Variants in ARFGEF2 observed in about 807,000 individuals in gnomAD.
ARFGEF2 encodes ARF guanine nucleotide exchange factor 2.
A neutral mutation model predicts 219.9 loss-of-function variants in ARFGEF2; 74 were observed. The observed-to-expected ratio is 0.34, with a 90% CI of 0.28 to 0.41. The LOEUF (loss-of-function observed/expected upper bound fraction) is 0.41. Among genes scored for constraint, ARFGEF2 ranks in the 10% least tolerant of loss-of-function variants. The probability of loss-of-function intolerance (pLI) is 1.00; values close to 1 mark genes in which losing one functional copy is unlikely to be tolerated. For synonymous variants in ARFGEF2, 733 were observed against 799.2 expected (o/e 0.92, Z 1.40); for missense variants, 1,743 against 2,218.3 (o/e 0.79, Z 4.30).
At position 48,952,782 on chromosome 20, in the gene ARFGEF2, C is replaced by T. The variant is rs772393834; in HGVS notation, c.501C>T (p.Tyr167=). Residue 167 remains tyrosine (Y), a synonymous_variant, in exon 5 of 39, where the codon TAC becomes TAT. Transcript: ENST00000371917. ...GTILQTVRTC[Y]NIYLASKNLI... is the part of the protein sequence containing the mutation. ...TCCTGCAGACAGTGAGAACATGTTA[C>T]AATATCTATTTGGCCAGCAAAAATC... The T allele has an allele frequency of 1.2e-6, 2 of 1,614,206 alleles. No homozygotes were observed. Among genetic ancestry groups the T allele is most frequent in the African/African-American group, 1.3e-5 (1 of 75,042 alleles).
intron 11 of ARFGEF2, 34 bp from the exon 12 acceptor site, chr20:48,973,111 C>A: frequency 6.2e-7 from 1 of 1,613,430 alleles, no homozygotes; most frequent in South Asian, 1.1e-5. Context: ...GCTATTTGAT[C>A]AGAATTTCTG....
At chr20:49,013,731 T>G in intron 29 of ARFGEF2, 37 bp downstream of exon 29, 1 of 1,614,092 alleles carries the variant, frequency 6.2e-7, no homozygotes, top group Non-Finnish European at 8.5e-7. Context: ...CTTACATCAC[T>G]GAAATGAACC....
At position 49,036,006 on chromosome 20, in the gene ARFGEF2, C is replaced by A. The variant is rs982052669; in HGVS notation, c.*2807C>A. 1.4e-5 allele frequency: 5 copies of A among 367,652 alleles called. No individual in the cohort carries two copies. Among genetic ancestry groups the A allele is most frequent in the African/African-American group, 2.3e-5 (1 of 43,756 alleles). The allele number at this position is 367,652 out of a possible 1,614,324, so 22.8% of individuals were successfully genotyped here. On this transcript the variant is annotated 3_prime_UTR_variant, in exon 39 of 39. Coordinates refer to ENST00000371917, the MANE Select transcript of ARFGEF2 (RefSeq NM_006420.3). ...TTTGTACGAAATGAAAAAAAAAAAA[C>A]CTGTATTTTTTTTGTTGTTCTTTTG...
At chr20:48,952,637 T>G in intron 4 of ARFGEF2, 68 bp from the exon 5 acceptor site, 1 of 1,481,694 alleles carries the variant, frequency 6.7e-7, no homozygotes, top group Non-Finnish European at 9.4e-7. Flanking sequence ...TCTAGAAAAG[T>G]GTGGCCATAG....
chr20:49,006,693 A>C (rs1054671698), intron 26 of ARFGEF2, among the ~76,000 whole-genome samples: 1 of 152,142 alleles, frequency 6.6e-6, no homozygotes, highest in African/African-American at 2.4e-5. Flanking sequence ...CAAAAGCAAA[A>C]GGCCCGTAGC....
rs760196945 is a variant in ARFGEF2, at chr20:48,976,112, C to T, written c.1871C>T (p.Ser624Leu). The change falls in exon 14 of 39, where the codon TCG becomes TTG. Residue 624 changes from serine (S) to leucine (L), a missense_variant. This residue lies in a region of ARFGEF2 where 666 missense variants were observed against 955.4 expected (regional missense o/e 0.70). Coordinates refer to ENST00000371917, the MANE Select transcript of ARFGEF2 (RefSeq NM_006420.3). ...ACGTCCATGGAGTCCACAGTGTCCT[C>T]GGGGACCCAGACAACTGTTCAGGAT... ...SVTSMESTVS[S>L]GTQTTVQDDP... The T allele has an allele frequency of 2.0e-5, 33 of 1,613,594 alleles. No homozygotes were observed. Among genetic ancestry groups the T allele is most frequent in the Non-Finnish European group, 2.6e-5 (31 of 1,180,024 alleles).
rs571409699 is a variant in ARFGEF2, at chr20:49,033,191, G to C, written c.5350G>C (p.Val1784Leu). 2 of 1,614,098 alleles carry C rather than the reference G, an allele frequency of 1.2e-6. No homozygotes were observed. The highest frequency in any genetic ancestry group is 1.7e-6 in the Non-Finnish European group (2 of 1,180,038). ...ACAGGTACCAGCAGCACTGTCACCA[G>C]TGTGGTAGCCCTGGCTGCCCAGGCC... ...PSQVPAALSP[V>L]W is the part of the protein sequence containing the mutation. Residue 1784 changes from valine (V) to leucine (L), a missense_variant, in exon 39 of 39, where the codon GTG (valine) becomes CTG (leucine). Val to Leu is a conservative substitution (Grantham distance 32, BLOSUM62 1). Transcript: ENST00000371917.
intron 1 of ARFGEF2, among the ~76,000 whole-genome samples, chr20:48,934,399 A>G (rs1400545373): frequency 6.6e-6 from 1 of 152,124 alleles, no homozygotes; most frequent in East Asian, 1.9e-4. Flanking sequence ...GGTTTGTTAC[A>G]TAGGTGTACG....
intron 3 of ARFGEF2, among the ~76,000 whole-genome samples, chr20:48,945,091 T>C (rs1310353646): frequency 6.6e-6 from 1 of 152,168 alleles, no homozygotes; most frequent in Admixed American, 6.5e-5. Flanking sequence ...TTCTGGTTTC[T>C]TCTTAGAGGA....
intron 6 of ARFGEF2, among the ~76,000 whole-genome samples, chr20:48,962,663 C>G (rs567156359): frequency 6.6e-6 from 1 of 152,058 alleles, no homozygotes; most frequent in Non-Finnish European, 1.5e-5. Flanking sequence ...TTCCCTTTGC[C>G]TTCTAGGAAA....
At chr20:48,941,089 A>T in intron 1 of ARFGEF2, 110 bp from the exon 2 acceptor site, 1 of 994,280 alleles carries the variant, frequency 1.0e-6, no homozygotes, top group Non-Finnish European at 1.6e-6. Flanking sequence ...TTTTGTATTT[A>T]AACATCTCGT....
Position 48,972,341 on chromosome 20 carries a change from A to T in ARFGEF2, c.1441A>T (p.Ile481Phe). ...KMQIEVFFKEIFLNILETSTS... is the reference protein window; with the variant it reads ...KMQIEVFFKEFFLNILETSTS... ...TGTCATATAGGTCTTTTTCAAAGAG[A>T]TTTTCCTGAACATTTTAGAAACATC... Residue 481 changes from isoleucine (I) to phenylalanine (F), a missense_variant, in exon 11 of 39, where the codon ATT becomes TTT. Transcript: ENST00000371917. The T allele has an allele frequency of 1.2e-6, 2 of 1,613,466 alleles. No homozygotes were observed. The highest frequency in any genetic ancestry group is 1.7e-6 in the Non-Finnish European group (2 of 1,179,454).
intron 38 of ARFGEF2, 126 bp from the exon 39 acceptor site, chr20:49,032,897 C>A: frequency 9.9e-7 from 1 of 1,013,750 alleles, no homozygotes; most frequent in Non-Finnish European, 1.5e-6. Context: ...TCGGCCCCAA[C>A]TTTCTAATAG....
chr20:48,974,379 T>C (rs576112926), intron 12 of ARFGEF2, among the ~76,000 whole-genome samples: 34 of 152,322 alleles, frequency 2.2e-4, no homozygotes, highest in African/African-American at 7.2e-4. Flanking sequence ...CCCAGAGTGC[T>C]GGGATTACAG....
At chr20:49,008,985 G>A (rs554035759) in intron 26 of ARFGEF2, among the ~76,000 whole-genome samples, 1 of 152,268 alleles carries the variant, frequency 6.6e-6, no homozygotes, top group Admixed American at 6.5e-5. Flanking sequence ...TGGGATTACA[G>A]GTGTGAACCA....
rs1053859385 is a variant in ARFGEF2, at chr20:48,951,207, G to A, written c.277-116G>A. On this transcript the variant is annotated intron_variant, in intron 3 of 38. Coordinates refer to ENST00000371917, the MANE Select transcript of ARFGEF2 (RefSeq NM_006420.3). ...TGGTTATGCCTGCCTGGCTCCTGGG[G>A]AGCAGAGGACTCTGTAGGAACTGGA... 31 of 1,288,492 alleles carry A rather than the reference G, an allele frequency of 2.4e-5. No homozygotes were observed. In the East Asian group the frequency reaches 3.2e-4, roughly 13 times the overall value. 79.8% of individuals were successfully genotyped at this position (1,288,492 alleles called of 1,614,324 possible). A position where few individuals can be genotyped will look rare whatever the true frequency, so the allele number is the denominator to read the frequency against.
intron 28 of ARFGEF2, 63 bp downstream of exon 28, chr20:49,012,147 CT>C: frequency 4.4e-6 from 7 of 1,604,354 alleles, no homozygotes; most frequent in Non-Finnish European, 6.0e-6. Flanking sequence ...AGCAGAAATT[CT>C]TGCTCCTAAC....
At chr20:49,011,487 T>A (rs764645139) in intron 27 of ARFGEF2, among the ~76,000 whole-genome samples, 5 of 152,224 alleles carry the variant, frequency 3.3e-5, no homozygotes, top group Non-Finnish European at 7.3e-5. Context: ...TTCGATGTAG[T>A]GGAACCAGGA....
At chr20:48,975,297 C>A (rs1486035029) in intron 13 of ARFGEF2, among the ~76,000 whole-genome samples, 1 of 152,182 alleles carries the variant, frequency 6.6e-6, no homozygotes, top group Non-Finnish European at 1.5e-5. Context: ...ATCCTCCCAC[C>A]TCAGCCTCCC....
Sources: allele counts gnomAD v4.1 joint callset (sites outside exome capture counted in the v4.1 genomes callset), GRCh38; gene constraint gnomAD v4.1.1; regional missense constraint gnomAD v4.1.1; transcripts MANE v1.5; gene names NCBI Gene and HGNC (gene_info 2026-07-23, HGNC 2026-07-21).